ZNF519: variants seen among roughly 807,000 people sequenced by gnomAD.
The protein encoded by ZNF519 is similar to Zinc finger protein 85 (Zinc finger protein HPF4) (HTF1).
In ZNF519, 7 loss-of-function variants were observed where a neutral mutation model predicts 7.4. The ratio of observed to expected loss-of-function variants is 0.94; its 90% confidence interval spans 0.54 to 1.77. The LOEUF is 1.77. Among genes scored for constraint, ZNF519 ranks in the 40% most tolerant of loss-of-function variants. ZNF519 has a pLI of 0.00. For synonymous variants in ZNF519, 179 were observed against 203.3 expected (o/e 0.88, Z 1.02); for missense variants, 586 against 623.1 (o/e 0.94, Z 0.63).
At chr18:14,119,877 T>C (rs60985419) in intron 2 of ZNF519, among the ~76,000 whole-genome samples, 6,715 of 152,226 alleles carry the variant, frequency 0.044, 571 homozygotes, top group East Asian at 0.38. Context: ...ACTGATGATA[T>C]AAAAAATTTA....
At chr18:14,116,633 C>T (rs1168553290) in intron 2 of ZNF519, among the ~76,000 whole-genome samples, 1 of 152,190 alleles carries the variant, frequency 6.6e-6, no homozygotes, top group Non-Finnish European at 1.5e-5. Context: ...TTGGATCCTT[C>T]CCCTAAACCA....
At chr18:14,114,697 G>A (rs529417161) in intron 2 of ZNF519, among the ~76,000 whole-genome samples, 38 of 152,134 alleles carry the variant, frequency 2.5e-4, no homozygotes, top group Admixed American at 1.8e-3. Context: ...AGGTTAATGA[G>A]CACAAAAATA....
chr18:14,125,030 T>C (rs12458421), intron 1 of ZNF519, among the ~76,000 whole-genome samples: 10,236 of 152,200 alleles, frequency 0.067, 650 homozygotes, highest in African/African-American at 0.15. Context: ...ATTTTGCAGG[T>C]TTAAAAAGGG....
chr18:14,117,253 A>G (rs1215304450), intron 2 of ZNF519, among the ~76,000 whole-genome samples: 1 of 152,240 alleles, frequency 6.6e-6, no homozygotes, highest in Non-Finnish European at 1.5e-5. Context: ...AAGAGTAAGT[A>G]ACATGATTAA....
At chr18:14,095,417 T>C (rs886517704), downstream of ZNF519, among the ~76,000 whole-genome samples, 4 of 152,218 alleles carry the variant, frequency 2.6e-5, no homozygotes, top group African/African-American at 4.8e-5. Flanking sequence ...AGTTGAGGAA[T>C]GGTGTTTGTG....
chr18:14,108,857 G>A (rs1382856226), intron 2 of ZNF519, among the ~76,000 whole-genome samples: 1 of 152,056 alleles, frequency 6.6e-6, no homozygotes, highest in Non-Finnish European at 1.5e-5. Context: ...TTGGGAGGCC[G>A]AGGTGGGTGG....
chr18:14,117,011 C>G (rs898584481), intron 2 of ZNF519, among the ~76,000 whole-genome samples: 5 of 152,016 alleles, frequency 3.3e-5, no homozygotes, highest in African/African-American at 1.2e-4. Flanking sequence ...AACTCCATCT[C>G]AAAATAATAA....
In ZNF519 at chr18:14,102,826, T is replaced by C. The variant is rs2046168600; in HGVS notation, c.*2091A>G. The C allele has an allele frequency of 6.6e-6, 1 of 151,948 alleles. No individual in the cohort carries two copies. Among genetic ancestry groups the C allele is most frequent in the Non-Finnish European group, 1.5e-5 (1 of 67,976 alleles). 9.4% of individuals were successfully genotyped at this position (151,948 alleles called of 1,614,324 possible). On this transcript the variant is annotated 3_prime_UTR_variant, in exon 3 of 3. Transcript: ENST00000590202. ...TCCAAATTGGGGGAAAAAAGCTATATAGTGGTAATATTTTATATCTCATTG... is the reference window on the plus strand; with the variant it reads ...TCCAAATTGGGGGAAAAAAGCTATACAGTGGTAATATTTTATATCTCATTG...
chr18:14,078,382 T>C (rs1186310210), intron 3 of ZNF519: 1 of 152,162 alleles, frequency 6.6e-6, no homozygotes, highest in Non-Finnish European at 1.5e-5. Context: ...ATTCTAAGAA[T>C]ACATATTTTA....
downstream of ZNF519, chr18:14,074,954 G>T (rs1227417868): frequency 6.6e-6 from 1 of 152,134 alleles, no homozygotes; most frequent in Non-Finnish European, 1.5e-5. Flanking sequence ...AGAAAAAAAG[G>T]TTTAACAAAC....
chr18:14,116,202 TTAAG>T (rs1157173694), intron 2 of ZNF519, among the ~76,000 whole-genome samples: 1 of 152,046 alleles, frequency 6.6e-6, no homozygotes, highest in Admixed American at 6.5e-5. Flanking sequence ...ATACTCTTCT[TTAAG>T]TGTCAGGAGA....
intron 2 of ZNF519, among the ~76,000 whole-genome samples, chr18:14,089,780 AT>A (rs1311964166): frequency 2.0e-5 from 3 of 152,336 alleles, no homozygotes; most frequent in Non-Finnish European, 4.4e-5. Context: ...AAGGAAAAAA[AT>A]AATCATTAAA....
intron 2 of ZNF519, among the ~76,000 whole-genome samples, chr18:14,091,568 T>G (rs1209132654): frequency 6.6e-6 from 1 of 152,128 alleles, no homozygotes; most frequent in East Asian, 1.9e-4. Context: ...TCATCAGAAG[T>G]GCTCAGGTTG....
At chr18:14,079,829 T>C (rs1344548257) in intron 3 of ZNF519, among the ~76,000 whole-genome samples, 1 of 152,140 alleles carries the variant, frequency 6.6e-6, no homozygotes, top group East Asian at 1.9e-4. Context: ...GAATTATAGA[T>C]GACCCTGAGT....
At chr18:14,124,622 A>T (rs2046287705) in intron 1 of ZNF519, 146 bp from the exon 2 acceptor site, 1 of 1,026,034 alleles carries the variant, frequency 9.7e-7, no homozygotes, top group Admixed American at 2.9e-5. Flanking sequence ...AGCATTCTAT[A>T]ACTCTGAGGG....
At chr18:14,096,525 T>C (rs1399379081), downstream of ZNF519, among the ~76,000 whole-genome samples, 1 of 152,150 alleles carries the variant, frequency 6.6e-6, no homozygotes, top group African/African-American at 2.4e-5. Flanking sequence ...ATTTTTATTT[T>C]ATTTTTTAGA....
At chr18:14,075,704 A>G (rs1213561229), downstream of ZNF519, 1 of 152,204 alleles carries the variant, frequency 6.6e-6, no homozygotes, top group Non-Finnish European at 1.5e-5. Context: ...ATGGTCTGAG[A>G]TAAGATTATT....
chr18:14,097,390 C>T (rs957397902), downstream of ZNF519, among the ~76,000 whole-genome samples: 12 of 152,092 alleles, frequency 7.9e-5, no homozygotes, highest in Non-Finnish European at 1.2e-4. Context: ...GGTGGCCCCA[C>T]TAAATGGAGT....
intron 2 of ZNF519, among the ~76,000 whole-genome samples, chr18:14,113,902 G>A (rs938414421): frequency 3.3e-5 from 5 of 152,112 alleles, no homozygotes; most frequent in African/African-American, 9.7e-5. Flanking sequence ...CACATGTTGA[G>A]CACCTTGTCA....
Sources: allele counts gnomAD v4.1 joint callset (sites outside exome capture counted in the v4.1 genomes callset), GRCh38; gene constraint gnomAD v4.1.1; transcripts MANE v1.5; gene names NCBI Gene and HGNC (gene_info 2026-07-23, HGNC 2026-07-21).